The following PPP3CB variants were observed in gnomAD, a reference collection of about 807,000 sequenced individuals.
The protein encoded by PPP3CB is serine/threonine-protein phosphatase 2B catalytic subunit beta isoform.
In PPP3CB, 8 loss-of-function variants were observed where a neutral mutation model predicts 66.4. The observed-to-expected ratio is 0.12, with a 90% CI of 0.07 to 0.22. The LOEUF (loss-of-function observed/expected upper bound fraction) is 0.22. Among genes scored for constraint, PPP3CB ranks in the 10% least tolerant of loss-of-function variants. PPP3CB has a pLI of 1.00. For synonymous variants in PPP3CB, 208 were observed against 221.2 expected, an observed-to-expected ratio of 0.94 and a Z score of 0.53; for missense variants, 319 against 642.5, an observed-to-expected ratio of 0.50 and a Z score of 5.44.
chr10:73,451,742 CTTTTTTT>C (rs765483729), intron 10 of PPP3CB, among the ~76,000 whole-genome samples: 1 of 124,614 alleles, frequency 8.0e-6, no homozygotes, highest in African/African-American at 2.9e-5. Context: ...TCACTCATCT[CTTTTTTT>C]TTTTTTTTTT....
chr10:73,441,393 T>C (rs562899530), intron 12 of PPP3CB, among the ~76,000 whole-genome samples: 33 of 152,238 alleles, frequency 2.2e-4, no homozygotes, highest in Middle Eastern at 3.4e-3. Flanking sequence ...CCTTGAGCGT[T>C]TGAGCCCAGC....
At chr10:73,493,772 A>G (rs145178074) in intron 1 of PPP3CB, among the ~76,000 whole-genome samples, 1 of 152,218 alleles carries the variant, frequency 6.6e-6, no homozygotes, top group Non-Finnish European at 1.5e-5. Context: ...ATAATTTTCT[A>G]TATTAACAAG....
At chr10:73,477,544 C>T (rs1218640030) in intron 3 of PPP3CB, among the ~76,000 whole-genome samples, 1 of 151,838 alleles carries the variant, frequency 6.6e-6, no homozygotes, top group Non-Finnish European at 1.5e-5. Flanking sequence ...TAATATGATC[C>T]CCTTTTCATT....
chr10:73,442,747 AC>A (rs1318805922), intron 12 of PPP3CB, among the ~76,000 whole-genome samples: 1 of 151,912 alleles, frequency 6.6e-6, no homozygotes, highest in Non-Finnish European at 1.5e-5. Flanking sequence ...AAAAAAAGAA[AC>A]CTCATTCAGA....
intron 1 of PPP3CB, among the ~76,000 whole-genome samples, chr10:73,484,427 C>T (rs61396434): frequency 6.6e-6 from 1 of 151,804 alleles, no homozygotes; most frequent in African/African-American, 2.4e-5. Flanking sequence ...CCTGCCACCA[C>T]GCCCAGCTAA....
At chr10:73,474,068 G>A (rs2132944246) in intron 4 of PPP3CB, among the ~76,000 whole-genome samples, 1 of 151,978 alleles carries the variant, frequency 6.6e-6, no homozygotes, top group East Asian at 1.9e-4. Context: ...CTGAGACAGA[G>A]TTTCGCTCTT....
chr10:73,480,972 A>C (rs999487591), intron 1 of PPP3CB, among the ~76,000 whole-genome samples: 5 of 152,122 alleles, frequency 3.3e-5, no homozygotes, highest in Non-Finnish European at 5.9e-5. Flanking sequence ...AGTTTTTCTT[A>C]TTCCTTTTTT....
intron 10 of PPP3CB, 42 bp from the exon 11 acceptor site, chr10:73,446,615 G>A: frequency 2.6e-6 from 4 of 1,544,026 alleles, no homozygotes; most frequent in Non-Finnish European, 3.6e-6. Context: ...CTCAAGTTTA[G>A]GGCATGCATG....
At chr10:73,473,726 T>C (rs1243072521) in intron 4 of PPP3CB, among the ~76,000 whole-genome samples, 2 of 152,120 alleles carry the variant, frequency 1.3e-5, no homozygotes, top group East Asian at 3.8e-4. Flanking sequence ...TCTTGTTCTG[T>C]AACATATGGT....
intron 9 of PPP3CB, among the ~76,000 whole-genome samples, chr10:73,464,998 ACT>A (rs1815197650): frequency 6.6e-6 from 1 of 151,970 alleles, no homozygotes; most frequent in African/African-American, 2.4e-5. Context: ...TTAAAATGTG[ACT>A]CTTTATCTTT....
At chr10:73,460,010 A>G (rs2056494960) in intron 9 of PPP3CB, among the ~76,000 whole-genome samples, 1 of 152,204 alleles carries the variant, frequency 6.6e-6, no homozygotes, top group Non-Finnish European at 1.5e-5. Flanking sequence ...GTATGAGGGT[A>G]TAAAACTTAA....
intron 1 of PPP3CB, chr10:73,495,507 T>G: frequency 4.9e-6 from 1 of 203,808 alleles, no homozygotes; most frequent in Non-Finnish European, 9.9e-6. Flanking sequence ...CTGCGCCGCT[T>G]TGACAGGCCG....
At chr10:73,493,354 T>C (rs1160499432) in intron 1 of PPP3CB, among the ~76,000 whole-genome samples, 2 of 151,876 alleles carry the variant, frequency 1.3e-5, no homozygotes, top group Admixed American at 1.3e-4. Flanking sequence ...ATATCACTAC[T>C]ATGAAAATGT....
intron 12 of PPP3CB, among the ~76,000 whole-genome samples, chr10:73,443,018 T>TA (rs2056174056): frequency 6.7e-6 from 1 of 149,186 alleles, no homozygotes; most frequent in African/African-American, 2.5e-5. Context: ...TACAAAAATA[T>TA]AAAAAAATAA....
At chr10:73,449,271 G>C (rs987176358) in intron 10 of PPP3CB, among the ~76,000 whole-genome samples, 5 of 152,134 alleles carry the variant, frequency 3.3e-5, no homozygotes, top group African/African-American at 1.2e-4. Flanking sequence ...TCCCTAACAA[G>C]AGCACATGAT....
At chr10:73,488,448 G>A (rs937047691) in intron 1 of PPP3CB, among the ~76,000 whole-genome samples, 9 of 151,650 alleles carry the variant, frequency 5.9e-5, no homozygotes, top group African/African-American at 2.2e-4. Context: ...TTGGGAGGCT[G>A]AGTTGGGGGA....
chr10:73,468,031 T>G (rs16930644), intron 8 of PPP3CB, among the ~76,000 whole-genome samples: 10,860 of 152,210 alleles, frequency 0.071, 625 homozygotes, highest in East Asian at 0.3. Context: ...AGAATGGCAA[T>G]GAGCAATTTT....
chr10:73,462,767 T>C (rs149845519), intron 9 of PPP3CB, among the ~76,000 whole-genome samples: 74 of 151,794 alleles, frequency 4.9e-4, no homozygotes, highest in African/African-American at 1.7e-3. Flanking sequence ...CTGGCCAACA[T>C]GGCGAAACCC....
chr10:73,470,297 G>GA (rs1367748678), intron 8 of PPP3CB, among the ~76,000 whole-genome samples: 3 of 152,084 alleles, frequency 2.0e-5, no homozygotes, highest in Non-Finnish European at 4.4e-5. Flanking sequence ...CATAAAACAA[G>GA]AAACATGATA....
Sources: allele counts gnomAD v4.1 joint callset (sites outside exome capture counted in the v4.1 genomes callset), GRCh38; gene constraint gnomAD v4.1.1; transcripts MANE v1.5; gene names NCBI Gene and HGNC (gene_info 2026-07-23, HGNC 2026-07-21).